PID1: variants seen among roughly 807,000 people sequenced by gnomAD.
The protein encoded by PID1 is phosphotyrosine interaction domain containing 1.
In PID1, 10 loss-of-function variants were observed where a neutral mutation model predicts 19.1. The observed-to-expected ratio is 0.52, with a 90% CI of 0.32 to 0.89. The LOEUF (loss-of-function observed/expected upper bound fraction) is 0.89, where lower values mean the gene tolerates loss of function less well. Ranked by LOEUF, PID1 falls within the 40% of genes least tolerant of loss-of-function variation. The probability of loss-of-function intolerance (pLI) is 0.03; values close to 1 mark genes in which losing one functional copy is unlikely to be tolerated. For synonymous variants in PID1, 130 were observed against 116.0 expected (o/e 1.12, Z -0.78); for missense variants, 248 against 285.3 (o/e 0.87, Z 0.94).
chr2:229,092,034 T>G (rs1161807972), intron 2 of PID1, among the ~76,000 whole-genome samples: 1 of 152,168 alleles, frequency 6.6e-6, no homozygotes, highest in Non-Finnish European at 1.5e-5. Flanking sequence ...ACGTTCAACC[T>G]CTTCTTGAAG....
chr2:229,169,366 A>G (rs12477036), intron 1 of PID1, among the ~76,000 whole-genome samples: 15,384 of 152,146 alleles, frequency 0.1, 1,008 homozygotes, highest in South Asian at 0.24. Flanking sequence ...AAGAGAAGTT[A>G]TGATTGTATA....
At chr2:229,097,237 C>T (rs1056400437) in intron 2 of PID1, among the ~76,000 whole-genome samples, 12 of 152,212 alleles carry the variant, frequency 7.9e-5, no homozygotes, top group Admixed American at 5.2e-4. Context: ...GGGAGAGCAT[C>T]GTAAAAGTAA....
At chr2:229,209,649 C>A (rs1158700529) in intron 1 of PID1, among the ~76,000 whole-genome samples, 2 of 152,194 alleles carry the variant, frequency 1.3e-5, no homozygotes, top group Admixed American at 1.3e-4. Flanking sequence ...TCATATATTA[C>A]ATCCTATTAA....
At chr2:229,085,714 C>T (rs1020817396) in intron 2 of PID1, among the ~76,000 whole-genome samples, 2 of 151,976 alleles carry the variant, frequency 1.3e-5, no homozygotes, top group East Asian at 1.9e-4. Context: ...TCAAGTATGC[C>T]CTTTGTCCTT....
intron 1 of PID1, among the ~76,000 whole-genome samples, chr2:229,250,314 T>G (rs1290255040): frequency 6.6e-6 from 1 of 152,230 alleles, no homozygotes; most frequent in East Asian, 1.9e-4. Context: ...TCTTTCTTTC[T>G]TAGGACTCTT....
chr2:229,089,777 T>C (rs904855427), intron 2 of PID1, among the ~76,000 whole-genome samples: 1 of 152,186 alleles, frequency 6.6e-6, no homozygotes, highest in Non-Finnish European at 1.5e-5. Context: ...CTTCAGACTG[T>C]GGTGTTGATT....
chr2:229,051,153 G>A (rs990865821), intron 2 of PID1, among the ~76,000 whole-genome samples: 1 of 152,092 alleles, frequency 6.6e-6, no homozygotes, highest in Non-Finnish European at 1.5e-5. Context: ...GTGAAGCCCT[G>A]TACCTTTCCA....
chr2:229,048,315 T>C (rs1204216934), intron 2 of PID1, among the ~76,000 whole-genome samples: 1 of 152,110 alleles, frequency 6.6e-6, no homozygotes, highest in Non-Finnish European at 1.5e-5. Context: ...CCATCCACAT[T>C]GTGCCAATCT....
At chr2:229,038,319 C>T (rs956660566) in intron 2 of PID1, among the ~76,000 whole-genome samples, 26 of 152,152 alleles carry the variant, frequency 1.7e-4, no homozygotes, top group South Asian at 2.1e-4. Context: ...AAGTAAACTG[C>T]GGTACATCCA....
chr2:229,034,171 G>A (rs1355070287), intron 2 of PID1, among the ~76,000 whole-genome samples: 1 of 152,140 alleles, frequency 6.6e-6, no homozygotes, highest in Non-Finnish European at 1.5e-5. Flanking sequence ...TGAAATTATT[G>A]TCGGCACAAT....
chr2:229,031,601 A>C (rs956039809), intron 2 of PID1, among the ~76,000 whole-genome samples: 2 of 152,132 alleles, frequency 1.3e-5, no homozygotes, highest in Non-Finnish European at 2.9e-5. Flanking sequence ...AAGGAAAAGA[A>C]AAGAAAGGAA....
At chr2:229,161,987 T>A (rs1448203667) in intron 1 of PID1, among the ~76,000 whole-genome samples, 1 of 152,172 alleles carries the variant, frequency 6.6e-6, no homozygotes, top group East Asian at 1.9e-4. Flanking sequence ...AATAGCATTA[T>A]AAAAAGGCAA....
At chr2:229,142,708 G>A (rs1690040704) in intron 2 of PID1, among the ~76,000 whole-genome samples, 1 of 152,202 alleles carries the variant, frequency 6.6e-6, no homozygotes. Context: ...AGGTGCTGGA[G>A]AGGATGTGGA....
intron 2 of PID1, among the ~76,000 whole-genome samples, chr2:229,064,655 G>C (rs956116099): frequency 1.3e-5 from 2 of 152,070 alleles, no homozygotes; most frequent in Non-Finnish European, 2.9e-5. Flanking sequence ...ATATTTGTTT[G>C]TGTTTTTGAA....
intron 2 of PID1, among the ~76,000 whole-genome samples, chr2:229,080,256 G>C (rs1694642956): frequency 6.6e-6 from 1 of 152,190 alleles, no homozygotes; most frequent in South Asian, 2.1e-4. Flanking sequence ...CAAAGTTCAA[G>C]GCACTTGAGG....
At chr2:229,089,487 G>A (rs759220308) in intron 2 of PID1, among the ~76,000 whole-genome samples, 2 of 152,104 alleles carry the variant, frequency 1.3e-5, no homozygotes, top group East Asian at 1.9e-4. Context: ...CCTAGACGCC[G>A]CCATTTCCCT....
intron 1 of PID1, among the ~76,000 whole-genome samples, chr2:229,165,689 A>G (rs4973171): frequency 0.45 from 68,570 of 152,120 alleles, 16,979 homozygotes; most frequent in Admixed American, 0.61. Context: ...ACTGACAACA[A>G]TGTTATAATA....
chr2:229,258,848 C>G (rs566207251), intron 1 of PID1, among the ~76,000 whole-genome samples: 1 of 123,530 alleles, frequency 8.1e-6, no homozygotes, highest in Non-Finnish European at 1.6e-5. Flanking sequence ...GGCGACAAAG[C>G]GAGACTCCGT....
At chr2:229,192,049 A>G (rs956489907) in intron 1 of PID1, among the ~76,000 whole-genome samples, 4 of 152,132 alleles carry the variant, frequency 2.6e-5, no homozygotes, top group Admixed American at 1.3e-4. Context: ...CACACACTAT[A>G]TAAGTATAAA....
Sources: allele counts gnomAD v4.1 joint callset (sites outside exome capture counted in the v4.1 genomes callset), GRCh38; gene constraint gnomAD v4.1.1; transcripts MANE v1.5; gene names NCBI Gene and HGNC (gene_info 2026-07-23, HGNC 2026-07-21).